DPYD: variants seen among roughly 807,000 people sequenced by gnomAD.
DPYD encodes dihydropyrimidine dehydrogenase [NADP(+)].
Under a neutral mutation model 116.2 loss-of-function variants are expected in DPYD, and 109 were observed. The ratio of observed to expected loss-of-function variants is 0.94; its 90% CI spans 0.80 to 1.10. The LOEUF (loss-of-function observed/expected upper bound fraction) is 1.10. Among genes scored for constraint, DPYD ranks in the 50% least tolerant of loss-of-function variants. The pLI is 0.00. For synonymous variants in DPYD, 440 were observed against 432.0 expected, an observed-to-expected ratio of 1.02 and a Z score of -0.23; for missense variants, 1,302 against 1,254.5, an observed-to-expected ratio of 1.04 and a Z score of -0.57.
chr1:97,507,179 G>T (rs1647401707), intron 13 of DPYD, among the ~76,000 whole-genome samples: 1 of 151,940 alleles, frequency 6.6e-6, no homozygotes, highest in Non-Finnish European at 1.5e-5. Context: ...AGGATGAGTT[G>T]ATTTTATGAA....
intron 20 of DPYD, among the ~76,000 whole-genome samples, chr1:97,191,405 T>C (rs557007550): frequency 5.9e-5 from 9 of 152,212 alleles, no homozygotes; most frequent in African/African-American, 2.2e-4. Context: ...CAAGTTAGTG[T>C]TGAGAAATGA....
chr1:97,419,994 T>C (rs1448457081), intron 14 of DPYD: 1 of 152,238 alleles, frequency 6.6e-6, no homozygotes, highest in Admixed American at 6.5e-5. Context: ...ATAAATGTTA[T>C]GTAACCACTT....
intron 8 of DPYD, among the ~76,000 whole-genome samples, chr1:97,648,880 A>G (rs1053044614): frequency 2.0e-5 from 3 of 152,158 alleles, no homozygotes; most frequent in Non-Finnish European, 4.4e-5. Flanking sequence ...GGCTACTGTT[A>G]CCTCATTTCA....
chr1:97,408,650 G>A (rs746976672), intron 14 of DPYD, among the ~76,000 whole-genome samples: 8 of 152,138 alleles, frequency 5.3e-5, no homozygotes, highest in Admixed American at 2.6e-4. Context: ...GGATTGCAAC[G>A]TATTGTTCCT....
Position 97,879,757 on chromosome 1 carries a change from A to G in DPYD, c.150+3507T>C, listed in dbSNP as rs543830287. On this transcript the variant is annotated intron_variant, in intron 2 of 22. Coordinates refer to ENST00000370192, the MANE Select transcript of DPYD (RefSeq NM_000110.4). ...TTATTTTCTAAGAAGCCTATGATTTACTTATTAAACAAAATTTGTATCTAT... is the reference window on the plus strand; with the variant it reads ...TTATTTTCTAAGAAGCCTATGATTTGCTTATTAAACAAAATTTGTATCTAT... Among the ~76,000 whole-genome samples, 196 of 152,048 alleles carry G rather than the reference A, an allele frequency of 1.3e-3. 5 individuals carry two copies. The highest frequency in any genetic ancestry group is 1.9e-3 in the Admixed American group (29 of 15,238).
intron 19 of DPYD, among the ~76,000 whole-genome samples, chr1:97,195,626 ATGTATGTG>A (rs1658726438): frequency 1.2e-5 from 1 of 84,956 alleles, no homozygotes; most frequent in Non-Finnish European, 2.3e-5. Flanking sequence ...GTATGTGTAT[ATGTATGTG>A]TATATATATA....
intron 19 of DPYD, among the ~76,000 whole-genome samples, chr1:97,205,761 C>G (rs978574871): frequency 2.0e-5 from 3 of 152,066 alleles, no homozygotes; most frequent in Admixed American, 2.0e-4. Context: ...CTGGCACAGC[C>G]TCTTTTTCAT....
intron 3 of DPYD, among the ~76,000 whole-genome samples, chr1:97,756,464 T>C (rs1171735836): frequency 1.3e-5 from 2 of 152,172 alleles, no homozygotes; most frequent in Non-Finnish European, 2.9e-5. Context: ...TTCCAAAACA[T>C]GAATGCCTTC....
At chr1:97,861,778 T>G (rs889782170) in intron 2 of DPYD, among the ~76,000 whole-genome samples, 2 of 151,972 alleles carry the variant, frequency 1.3e-5, no homozygotes, top group South Asian at 4.1e-4. Flanking sequence ...ATGACAATAC[T>G]AATTGTTGGA....
chr1:97,501,012 T>A (rs779681079), intron 13 of DPYD, among the ~76,000 whole-genome samples: 21 of 152,062 alleles, frequency 1.4e-4, no homozygotes, highest in Admixed American at 3.3e-4. Context: ...ACCTCTCAGA[T>A]CTTATTGACT....
chr1:97,795,257 G>A (rs1200563467), intron 3 of DPYD, among the ~76,000 whole-genome samples: 2 of 151,906 alleles, frequency 1.3e-5, no homozygotes, highest in African/African-American at 4.8e-5. Flanking sequence ...GCAATGGGAG[G>A]CAGTTTACTA....
At chr1:97,392,855 A>C (rs927429350) in intron 14 of DPYD, among the ~76,000 whole-genome samples, 1 of 152,014 alleles carries the variant, frequency 6.6e-6, no homozygotes, top group African/African-American at 2.4e-5. Context: ...TCCTCCACTG[A>C]AGTCTTGAAT....
intron 2 of DPYD, among the ~76,000 whole-genome samples, chr1:97,871,053 C>T (rs1271401463): frequency 6.6e-6 from 1 of 151,828 alleles, no homozygotes; most frequent in Non-Finnish European, 1.5e-5. Context: ...TTGCTGATTT[C>T]TTTTGTTCAG....
intron 11 of DPYD, among the ~76,000 whole-genome samples, chr1:97,558,164 T>C (rs183873387): frequency 3.3e-5 from 5 of 152,288 alleles, no homozygotes; most frequent in South Asian, 2.1e-4. Flanking sequence ...TGAAACCTTT[T>C]TCCCCCCCTT....
chr1:97,546,719 A>G, intron 12 of DPYD: 1 of 1,613,212 alleles, frequency 6.2e-7, no homozygotes, highest in Non-Finnish European at 8.5e-7. Flanking sequence ...GAGGAAGTAG[A>G]GCTGAAGTTT....
Position 97,150,423 on chromosome 1 carries a change from A to G in DPYD, c.2622+42646T>C, listed in dbSNP as rs74329109. ...ATAAACATTTGCTGGATGGATGAATAAATGAATGAATGAAAGCACCATTCA... is the reference window on the plus strand; with the variant it reads ...ATAAACATTTGCTGGATGGATGAATGAATGAATGAATGAAAGCACCATTCA... On this transcript the variant is annotated intron_variant, in intron 20 of 22. Transcript: ENST00000370192. Among the ~76,000 whole-genome samples, 76 of 152,308 alleles carry G rather than the reference A, an allele frequency of 5.0e-4. No homozygotes were observed. The East Asian group carries it at 0.015, about 29-fold the overall frequency.
At chr1:97,832,995 G>GAAAAAAAAAAAAAAAA (rs1161903108) in intron 2 of DPYD, among the ~76,000 whole-genome samples, 1 of 59,008 alleles carries the variant, frequency 1.7e-5, no homozygotes. Context: ...AAGAGGCAAA[G>GAAAAAAAAAAAAAAAA]AAAAAAAAAA....
chr1:97,517,147 G>A (rs1648291580), intron 12 of DPYD, among the ~76,000 whole-genome samples: 2 of 152,008 alleles, frequency 1.3e-5, no homozygotes, highest in African/African-American at 4.8e-5. Flanking sequence ...AAACACTAAT[G>A]TGTCTCTGGT....
At position 97,809,968 on chromosome 1, in the gene DPYD, A is replaced by G. The variant is rs367877963; in HGVS notation, c.233+18146T>C. ...TGATATAATGGGAATCACATTTTATAGATTTCCAGAAGAGAAAGGTAAAAT... is the reference window on the plus strand; with the variant it reads ...TGATATAATGGGAATCACATTTTATGGATTTCCAGAAGAGAAAGGTAAAAT... On this transcript the variant is annotated intron_variant, in intron 3 of 22. Coordinates refer to ENST00000370192, the MANE Select transcript of DPYD (RefSeq NM_000110.4). 3.3e-5 allele frequency among the ~76,000 whole-genome samples: 5 copies of G among 152,088 alleles called. No individual in the cohort carries two copies. The East Asian group carries it at 9.6e-4, about 29-fold the overall frequency.
Sources: gnomAD v4.1 joint callset for allele counts (sites outside exome capture counted in the v4.1 genomes callset) on GRCh38, gnomAD v4.1.1 for gene constraint, MANE v1.5 for transcripts, NCBI Gene and HGNC (gene_info 2026-07-23, HGNC 2026-07-21) for gene names.